ARB2A: variants seen among roughly 807,000 people sequenced by gnomAD.
ARB2A encodes the protein ARB2 cotranscriptional regulator A, also known as cotranscriptional regulator ARB2A.
the ARB2A span, among the ~76,000 whole-genome samples, chr5:94,058,052 G>T: frequency 6.6e-6 from 1 of 151,920 alleles, no homozygotes; most frequent in African/African-American, 2.4e-5. Flanking sequence ...CAAGGACAGG[G>T]AAAGCAGCAG....
the ARB2A span, among the ~76,000 whole-genome samples, chr5:93,933,374 T>A: frequency 6.6e-6 from 1 of 152,128 alleles, no homozygotes; most frequent in Non-Finnish European, 1.5e-5. Context: ...GCAGCACTAT[T>A]CACAATAGCA....
At chr5:93,822,451 G>A in the ARB2A span, among the ~76,000 whole-genome samples, 201 of 152,232 alleles carry the variant, frequency 1.3e-3, 3 homozygotes, top group African/African-American at 4.6e-3. Context: ...TTCGTAAACT[G>A]TCTTAAAGTT....
the ARB2A span, among the ~76,000 whole-genome samples, chr5:93,846,234 T>C: frequency 6.6e-6 from 1 of 152,052 alleles, no homozygotes; most frequent in Admixed American, 6.6e-5. Flanking sequence ...CCCAGTGTGG[T>C]GGCTCATGCC....
the ARB2A span, among the ~76,000 whole-genome samples, chr5:93,876,733 T>C: frequency 2.0e-5 from 3 of 152,058 alleles, no homozygotes; most frequent in Non-Finnish European, 2.9e-5. Flanking sequence ...TTGTTTGTAA[T>C]ACAAATAAAT....
the ARB2A span, among the ~76,000 whole-genome samples, chr5:93,758,910 A>G: frequency 1.3e-5 from 2 of 152,180 alleles, no homozygotes; most frequent in African/African-American, 2.4e-5. Flanking sequence ...GCAGAACTAA[A>G]TGAAACCAAA....
chr5:94,067,289 G>T, the ARB2A span, among the ~76,000 whole-genome samples: 1 of 152,112 alleles, frequency 6.6e-6, no homozygotes, highest in African/African-American at 2.4e-5. Context: ...ACAACACAAG[G>T]ATGCCCACTT....
the ARB2A span, among the ~76,000 whole-genome samples, chr5:93,686,869 G>A: frequency 1.3e-5 from 2 of 151,830 alleles, no homozygotes; most frequent in Non-Finnish European, 2.9e-5. Context: ...AATCATAAAG[G>A]CACTAAAAGA....
the ARB2A span, chr5:93,737,877 A>G: frequency 2.3e-6 from 1 of 438,690 alleles, no homozygotes; most frequent in Admixed American, 2.6e-5. Context: ...ATAAAACTGT[A>G]AAATTCATAG....
At chr5:93,716,788 G>T in the ARB2A span, among the ~76,000 whole-genome samples, 1 of 148,198 alleles carries the variant, frequency 6.7e-6, no homozygotes, top group Admixed American at 6.7e-5. Context: ...AACCTCAAAT[G>T]ACTCTGCTGT....
At chr5:93,707,479 C>T in the ARB2A span, among the ~76,000 whole-genome samples, 5 of 151,608 alleles carry the variant, frequency 3.3e-5, no homozygotes, top group Non-Finnish European at 5.9e-5. Flanking sequence ...TATTTTTTGG[C>T]ATTTATTCTT....
chr5:93,863,393 C>T, the ARB2A span: 1 of 151,816 alleles, frequency 6.6e-6, no homozygotes, highest in Non-Finnish European at 1.5e-5. Flanking sequence ...GTAGCTGGGG[C>T]TACCGGCACA....
At chr5:93,911,598 T>C in the ARB2A span, among the ~76,000 whole-genome samples, 1 of 151,258 alleles carries the variant, frequency 6.6e-6, no homozygotes, top group African/African-American at 2.4e-5. Flanking sequence ...TTCACCTTTC[T>C]ACAGTTCATG....
the ARB2A span, among the ~76,000 whole-genome samples, chr5:93,673,041 A>G: frequency 6.6e-6 from 1 of 152,184 alleles, no homozygotes; most frequent in Admixed American, 6.5e-5. Context: ...AATGAAATAT[A>G]ATATTTTTTA....
At chr5:93,764,537 T>C in the ARB2A span, among the ~76,000 whole-genome samples, 1 of 152,138 alleles carries the variant, frequency 6.6e-6, no homozygotes, top group Admixed American at 6.5e-5. Context: ...TAATAGGTCC[T>C]GAAATTGAGG....
chr5:93,782,033 C>T, the ARB2A span: 1 of 515,754 alleles, frequency 1.9e-6, no homozygotes, highest in African/African-American at 2.1e-5. Flanking sequence ...TCTTATCTTG[C>T]CAACCCACAC....
the ARB2A span, among the ~76,000 whole-genome samples, chr5:93,946,734 G>C: frequency 6.6e-6 from 1 of 152,090 alleles, no homozygotes; most frequent in Admixed American, 6.6e-5. Context: ...CACTTATTTT[G>C]ATACTATGTC....
At chr5:94,023,042 T>C in the ARB2A span, among the ~76,000 whole-genome samples, 5 of 152,226 alleles carry the variant, frequency 3.3e-5, no homozygotes, top group Non-Finnish European at 7.3e-5. Flanking sequence ...ACTTGAACTG[T>C]GAGTGCTGGA....
At chr5:94,049,374 T>C in the ARB2A span, among the ~76,000 whole-genome samples, 441 of 152,204 alleles carry the variant, frequency 2.9e-3, 5 homozygotes, top group Non-Finnish European at 5.7e-4. Flanking sequence ...AACTTATTCA[T>C]TCTGGCATAG....
chr5:94,022,469 T>C, the ARB2A span, among the ~76,000 whole-genome samples: 6 of 152,292 alleles, frequency 3.9e-5, no homozygotes, highest in Admixed American at 6.5e-5. Flanking sequence ...ACAAACTACG[T>C]TGGACCACTG....
Sources: allele counts gnomAD v4.1 joint callset (sites outside exome capture counted in the v4.1 genomes callset), GRCh38; gene constraint gnomAD v4.1.1; transcripts MANE v1.5; gene names NCBI Gene and HGNC (gene_info 2026-07-23, HGNC 2026-07-21).